The following SPIDR variants were observed in gnomAD, a reference collection of about 807,000 sequenced individuals.
SPIDR encodes the protein DNA repair-scaffolding protein.
Under a neutral mutation model 104.6 loss-of-function variants are expected in SPIDR, and 93 were observed. That is an observed-to-expected ratio of 0.89 (90% CI 0.75 to 1.06). The LOEUF (loss-of-function observed/expected upper bound fraction) is 1.06, where lower values mean the gene tolerates loss of function less well. SPIDR is among the 50% of genes least tolerant of loss of function. The pLI is 0.00. For synonymous variants in SPIDR, 431 were observed against 416.9 expected (o/e 1.03, Z -0.41); for missense variants, 1,154 against 1,111.2 (o/e 1.04, Z -0.55).
chr8:47,480,114 A>G (rs1554726122), intron 8 of SPIDR, among the ~76,000 whole-genome samples: 1 of 152,206 alleles, frequency 6.6e-6, no homozygotes, highest in African/African-American at 2.4e-5. Flanking sequence ...ATGAAGAAAA[A>G]TGTATCCATC....
At chr8:47,322,668 G>A (rs2046910407) in intron 5 of SPIDR, among the ~76,000 whole-genome samples, 1 of 152,162 alleles carries the variant, frequency 6.6e-6, no homozygotes, top group Non-Finnish European at 1.5e-5. Flanking sequence ...ATTCACAATC[G>A]CAGAGACTTG....
At chr8:47,709,304 TA>T (rs2081512238) in intron 14 of SPIDR, among the ~76,000 whole-genome samples, 1 of 152,190 alleles carries the variant, frequency 6.6e-6, no homozygotes, top group African/African-American at 2.4e-5. Flanking sequence ...CCACACCAGC[TA>T]ATTTTTGTAT....
At chr8:47,453,323 A>G (rs1004447725) in intron 8 of SPIDR, among the ~76,000 whole-genome samples, 4 of 152,244 alleles carry the variant, frequency 2.6e-5, no homozygotes. Flanking sequence ...TGCCACCCTC[A>G]TCGAGCTATG....
At chr8:47,321,754 A>G (rs7828350) in intron 5 of SPIDR, among the ~76,000 whole-genome samples, 41,789 of 151,984 alleles carry the variant, frequency 0.27, 5,937 homozygotes, top group South Asian at 0.44. Context: ...GAGATATAGA[A>G]CAATGGAACA....
chr8:47,345,173 C>G (rs1441049697), intron 5 of SPIDR, among the ~76,000 whole-genome samples: 1 of 152,196 alleles, frequency 6.6e-6, no homozygotes, highest in Non-Finnish European at 1.5e-5. Context: ...TTTCAGCTTT[C>G]TACATATGGC....
rs1587598457 is a variant in SPIDR, at chr8:47,549,901, C to A, written c.1098-45910C>A. On this transcript the variant is annotated intron_variant, in intron 8 of 19. Coordinates refer to ENST00000297423, the MANE Select transcript of SPIDR (RefSeq NM_001080394.4). The stretch of plus-strand genomic sequence containing the variant: ...TTCTAGGGTTTTTATGGTTTTAGGT[C>A]TAACATTTAAGTCTTTAATCCATCT... 3.9e-5 allele frequency among the ~76,000 whole-genome samples: 6 copies of A among 152,202 alleles called. No individual in the cohort carries two copies. In the East Asian group the frequency reaches 1.2e-3, roughly 29 times the overall value.
chr8:47,664,894 CA>C (rs72582293), intron 10 of SPIDR, among the ~76,000 whole-genome samples: 4,410 of 112,056 alleles, frequency 0.039, 134 homozygotes, highest in African/African-American at 0.11. Context: ...GACCCTGTCT[CA>C]AAAAAAAAAA....
chr8:47,615,850 C>T (rs912442289), intron 10 of SPIDR, among the ~76,000 whole-genome samples: 3 of 152,196 alleles, frequency 2.0e-5, no homozygotes, highest in African/African-American at 7.2e-5. Context: ...TTTAGGTCTT[C>T]TTTAATTTCT....
rs989058557 is a variant in SPIDR at position 47,654,876 on chromosome 8, C to G, written c.1545-18925C>G. Among the ~76,000 whole-genome samples, 10 of 152,174 alleles carry G rather than the reference C, an allele frequency of 6.6e-5. No homozygotes were observed. In the East Asian group the frequency reaches 7.7e-4, roughly 12 times the overall value. ...TATCTCCTAATGCTATCCCTCCCCCCTCCTCCCACCCCACAACAGGCCCCG... is the reference window on the plus strand; with the variant it reads ...TATCTCCTAATGCTATCCCTCCCCCGTCCTCCCACCCCACAACAGGCCCCG... On this transcript the variant is annotated intron_variant, in intron 10 of 19. Coordinates refer to ENST00000297423, the MANE Select transcript of SPIDR (RefSeq NM_001080394.4).
At chr8:47,357,635 T>G (rs2054820178) in intron 5 of SPIDR, among the ~76,000 whole-genome samples, 1 of 152,226 alleles carries the variant, frequency 6.6e-6, no homozygotes, top group Admixed American at 6.5e-5. Context: ...CACCATATAA[T>G]TTTTGGTTCT....
chr8:47,729,545 C>T (rs1429183582), intron 19 of SPIDR, 80 bp downstream of exon 19: 1 of 1,488,068 alleles, frequency 6.7e-7, no homozygotes, highest in African/African-American at 1.4e-5. Flanking sequence ...GAAGCCCCCA[C>T]TCCCAAATGT....
intron 16 of SPIDR, among the ~76,000 whole-genome samples, chr8:47,726,620 G>C (rs905396976): frequency 2.0e-5 from 3 of 152,196 alleles, no homozygotes; most frequent in Non-Finnish European, 4.4e-5. Flanking sequence ...TGGCTGTCTT[G>C]TGGACCCCCC....
At chr8:47,319,886 C>A (rs1271753660) in intron 5 of SPIDR, among the ~76,000 whole-genome samples, 1 of 151,904 alleles carries the variant, frequency 6.6e-6, no homozygotes, top group East Asian at 1.9e-4. Context: ...TAAAGATGTT[C>A]TTGGAAACCA....
intron 5 of SPIDR, among the ~76,000 whole-genome samples, chr8:47,340,656 G>A (rs1166059433): frequency 1.3e-5 from 2 of 152,192 alleles, no homozygotes; most frequent in East Asian, 3.9e-4. Flanking sequence ...GAGTGTCTTT[G>A]TTGCGTAATT....
rs541773960 is a variant in SPIDR at position 47,461,097 on chromosome 8, A to G, written c.1097+20555A>G. ...TGCCTCACAGCTCTTAAGATTCTTC[A>G]TTTTGACTTAGATAACCTGATGACA... On this transcript the variant is annotated intron_variant, in intron 8 of 19. Coordinates refer to ENST00000297423, the MANE Select transcript of SPIDR (RefSeq NM_001080394.4). Among the ~76,000 whole-genome samples the G allele has an allele frequency of 2.0e-4, 31 of 152,208 alleles. 1 individual carries two copies. The South Asian group carries it at 5.8e-3, about 28-fold the overall frequency.
chr8:47,604,603 T>C lies in SPIDR; in HGVS notation c.1544+5407T>C, dbSNP rs1413886493. 2.0e-5 allele frequency among the ~76,000 whole-genome samples: 3 copies of C among 152,124 alleles called. No individual in the cohort carries two copies. In the East Asian group the frequency reaches 5.8e-4, roughly 29 times the overall value. ...TTGCCAGAGCTAGAGAAAAGATCCGTGGTCTAGATGTGTGTGATGGCTTCA... is the reference window on the plus strand; with the variant it reads ...TTGCCAGAGCTAGAGAAAAGATCCGCGGTCTAGATGTGTGTGATGGCTTCA... On this transcript the variant is annotated intron_variant, in intron 10 of 19. Transcript: ENST00000297423.
intron 5 of SPIDR, among the ~76,000 whole-genome samples, chr8:47,349,869 A>T (rs1037811167): frequency 2.0e-5 from 3 of 152,186 alleles, no homozygotes; most frequent in Non-Finnish European, 2.9e-5. Flanking sequence ...TCCAGGGACC[A>T]TCTGTCATGG....
intron 16 of SPIDR, among the ~76,000 whole-genome samples, chr8:47,719,100 C>T (rs2083004357): frequency 1.3e-5 from 2 of 152,168 alleles, no homozygotes; most frequent in South Asian, 4.2e-4. Flanking sequence ...CATTGGTTTG[C>T]CAATGAGAAG....
intron 8 of SPIDR, among the ~76,000 whole-genome samples, chr8:47,474,918 G>A (rs1240344442): frequency 6.6e-6 from 1 of 152,156 alleles, no homozygotes; most frequent in South Asian, 2.1e-4. Context: ...TAATTCTTTG[G>A]CTTTTAGGTC....
Sources: gnomAD v4.1 joint callset for allele counts (sites outside exome capture counted in the v4.1 genomes callset) on GRCh38, gnomAD v4.1.1 for gene constraint, MANE v1.5 for transcripts, NCBI Gene and HGNC (gene_info 2026-07-23, HGNC 2026-07-21) for gene names.